The following SLC6A11 variants were observed in gnomAD, a reference collection of about 807,000 sequenced individuals.
SLC6A11 encodes solute carrier family 6 member 11.
SLC6A11 carries 25 observed loss-of-function variants against 74.8 expected under a neutral mutation model. That is an observed-to-expected ratio of 0.33 (90% CI 0.24 to 0.47). SLC6A11 has a LOEUF of 0.47. SLC6A11 is among the 20% of genes least tolerant of loss of function. The pLI, the probability that SLC6A11 is intolerant of heterozygous loss-of-function variation, is 1.00. For synonymous variants in SLC6A11, 330 were observed against 330.2 expected (o/e 1.00, Z 0.01); for missense variants, 574 against 837.0 (o/e 0.69, Z 3.88).
At chr3:10,829,848 A>C (rs1694271713) in intron 4 of SLC6A11, among the ~76,000 whole-genome samples, 1 of 152,212 alleles carries the variant, frequency 6.6e-6, no homozygotes, top group Non-Finnish European at 1.5e-5. Flanking sequence ...GATTCTTTAG[A>C]GAAGGCTCAT....
At chr3:10,820,146 G>T (rs1375111271) in intron 3 of SLC6A11, among the ~76,000 whole-genome samples, 1 of 152,150 alleles carries the variant, frequency 6.6e-6, no homozygotes, top group Non-Finnish European at 1.5e-5. Flanking sequence ...GCAGGATGGG[G>T]GTGTGAGGAA....
At chr3:10,870,648 T>C (rs1487453452) in intron 5 of SLC6A11, among the ~76,000 whole-genome samples, 2 of 152,144 alleles carry the variant, frequency 1.3e-5, no homozygotes, top group Admixed American at 6.5e-5. Context: ...AGAAACAGAT[T>C]AGAAGTAGCT....
intron 6 of SLC6A11, among the ~76,000 whole-genome samples, chr3:10,882,868 G>A (rs559153346): frequency 3.3e-5 from 5 of 152,266 alleles, no homozygotes; most frequent in South Asian, 4.1e-4. Context: ...AATATCGGCC[G>A]CACAGGGAGG....
chr3:10,908,397 C>T (rs914667831), intron 6 of SLC6A11, among the ~76,000 whole-genome samples: 5 of 152,064 alleles, frequency 3.3e-5, no homozygotes, highest in Non-Finnish European at 4.4e-5. Context: ...GAGGATTAAG[C>T]GTATTGTGTA....
At chr3:10,910,819 ATT>A (rs67011478) in intron 6 of SLC6A11, among the ~76,000 whole-genome samples, 9,748 of 126,254 alleles carry the variant, frequency 0.077, 607 homozygotes, top group Admixed American at 0.24. Context: ...GTTGCTGTGA[ATT>A]TTTTTTTTTT....
intron 6 of SLC6A11, among the ~76,000 whole-genome samples, chr3:10,885,597 T>C (rs901026): frequency 0.014 from 1,947 of 138,448 alleles, 35 homozygotes; most frequent in Non-Finnish European, 0.016. Context: ...GCCCCCATGA[T>C]AAAAAAAAAA....
intron 10 of SLC6A11, among the ~76,000 whole-genome samples, chr3:10,929,627 G>A (rs1695657867): frequency 6.6e-6 from 1 of 152,204 alleles, no homozygotes; most frequent in Non-Finnish European, 1.5e-5. Context: ...TGAGCACATG[G>A]ACTCCTGGGC....
chr3:10,936,154 A>T (rs2655285), intron 13 of SLC6A11, among the ~76,000 whole-genome samples: 4 of 152,334 alleles, frequency 2.6e-5, no homozygotes, highest in African/African-American at 7.2e-5. Flanking sequence ...GTGTGCCAGA[A>T]GCTGTTCTAA....
At chr3:10,865,926 G>A (rs996479134) in intron 5 of SLC6A11, among the ~76,000 whole-genome samples, 2 of 152,172 alleles carry the variant, frequency 1.3e-5, no homozygotes, top group Admixed American at 6.5e-5. Context: ...CATTTGGTGA[G>A]AAACAACAAA....
chr3:10,833,443 G>A (rs888424477), intron 4 of SLC6A11, among the ~76,000 whole-genome samples: 3 of 152,202 alleles, frequency 2.0e-5, no homozygotes, highest in Admixed American at 1.3e-4. Context: ...GCCAGGGATG[G>A]CTCCTTGCCC....
chr3:10,920,348 C>G (rs1695520125), intron 8 of SLC6A11, among the ~76,000 whole-genome samples: 1 of 152,162 alleles, frequency 6.6e-6, no homozygotes, highest in South Asian at 2.1e-4. Context: ...TTGGGGTTAT[C>G]CCGCTAGGAT....
intron 5 of SLC6A11, among the ~76,000 whole-genome samples, chr3:10,855,048 G>A (rs544742359): frequency 4.1e-4 from 62 of 152,200 alleles, no homozygotes; most frequent in African/African-American, 1.3e-3. Context: ...TAGGTAGATA[G>A]GTAGGGAATT....
chr3:10,925,725 A>G (rs1480399206), intron 8 of SLC6A11, among the ~76,000 whole-genome samples: 1 of 152,178 alleles, frequency 6.6e-6, no homozygotes, highest in Non-Finnish European at 1.5e-5. Flanking sequence ...CAGTAGAGAC[A>G]TGTCCAGAGG....
chr3:10,876,785 A>G (rs867950697), intron 6 of SLC6A11, among the ~76,000 whole-genome samples: 1 of 104,806 alleles, frequency 9.5e-6, no homozygotes, highest in African/African-American at 4.5e-5. Context: ...AGAGAGAGAG[A>G]AAAAAAAAAA....
intron 5 of SLC6A11, among the ~76,000 whole-genome samples, chr3:10,868,829 T>C (rs17033550): frequency 0.099 from 15,021 of 152,282 alleles, 1,020 homozygotes; most frequent in Admixed American, 0.23. Context: ...GACACTTTGT[T>C]AGGAAGCACC....
chr3:10,911,460 G>A (rs549517988), intron 6 of SLC6A11, among the ~76,000 whole-genome samples: 1 of 152,258 alleles, frequency 6.6e-6, no homozygotes, highest in South Asian at 2.1e-4. Context: ...GTACCACATA[G>A]GAAGCCTAGA....
intron 6 of SLC6A11, among the ~76,000 whole-genome samples, chr3:10,893,238 C>T (rs1462574220): frequency 2.0e-5 from 3 of 152,120 alleles, no homozygotes; most frequent in Non-Finnish European, 4.4e-5. Context: ...ACCTCAGAGA[C>T]AGAATATAAA....
At chr3:10,925,952 A>G (rs1380063718) in intron 8 of SLC6A11, 52 bp from the exon 9 acceptor site, 2 of 976,484 alleles carry the variant, frequency 2.0e-6, no homozygotes, top group African/African-American at 3.2e-5. Flanking sequence ...AATAGCAATG[A>G]TATGAGGGAT....
intron 5 of SLC6A11, among the ~76,000 whole-genome samples, chr3:10,847,336 T>C (rs1289946545): frequency 6.6e-6 from 1 of 152,152 alleles, no homozygotes; most frequent in African/African-American, 2.4e-5. Context: ...AGATAGCACA[T>C]AGTAGGTGCT....
Sources: gnomAD v4.1 joint callset for allele counts (sites outside exome capture counted in the v4.1 genomes callset) on GRCh38, gnomAD v4.1.1 for gene constraint, MANE v1.5 for transcripts, NCBI Gene and HGNC (gene_info 2026-07-23, HGNC 2026-07-21) for gene names.